The following ARHGEF26 variants were observed in gnomAD, a reference collection of about 807,000 sequenced individuals.
ARHGEF26 encodes the protein Rho guanine nucleotide exchange factor (GEF) 26.
In ARHGEF26, 59 loss-of-function variants were observed where a neutral mutation model predicts 89.4. The observed-to-expected ratio is 0.66, with a 90% CI of 0.54 to 0.82. ARHGEF26 has a LOEUF of 0.82. ARHGEF26 is among the 40% of genes least tolerant of loss of function. The pLI, the probability that ARHGEF26 is intolerant of heterozygous loss-of-function variation, is 0.00. For missense variants in ARHGEF26, 1,234 were observed against 1,085.6 expected, an observed-to-expected ratio of 1.14 and a Z score of -1.92; for synonymous variants, 500 against 428.4, an observed-to-expected ratio of 1.17 and a Z score of -2.06.
At position 154,129,579 on chromosome 3, in the gene ARHGEF26, G is replaced by C. The variant is rs1192980051; in HGVS notation, c.1129G>C (p.Ala377Pro). 1.2e-6 allele frequency: 2 copies of C among 1,611,232 alleles called. No individual in the cohort carries two copies. ...GQGTFDGEEN[A>P]VLYQNYKEKA... Reference sequence around the variant, plus strand: ...TAGGCCTTGTTTTCTTGCAGAAAATGCTGTCCTGTATCAAAACTACAAGGA... The same window carrying C: ...TAGGCCTTGTTTTCTTGCAGAAAATCCTGTCCTGTATCAAAACTACAAGGA... Residue 377 changes from alanine to proline, a missense_variant, in exon 4 of 15, where the codon GCT becomes CCT. Ala to Pro is a conservative substitution (Grantham distance 27, BLOSUM62 -1). Transcript: ENST00000465093.
At chr3:154,222,605 A>G (rs1218039171) in intron 10 of ARHGEF26, among the ~76,000 whole-genome samples, 1 of 152,252 alleles carries the variant, frequency 6.6e-6, no homozygotes, top group African/African-American at 2.4e-5. Flanking sequence ...TATAGTAAAC[A>G]AGCAGCAAAC....
At chr3:154,230,705 A>G (rs1419454561) in intron 11 of ARHGEF26, among the ~76,000 whole-genome samples, 1 of 152,120 alleles carries the variant, frequency 6.6e-6, no homozygotes, top group Non-Finnish European at 1.5e-5. Flanking sequence ...GGAGATTTCT[A>G]CTTCCTGATT....
At chr3:154,152,557 A>G (rs534066730) in intron 5 of ARHGEF26, among the ~76,000 whole-genome samples, 2 of 152,238 alleles carry the variant, frequency 1.3e-5, no homozygotes, top group East Asian at 3.9e-4. Flanking sequence ...TTTCATATTT[A>G]CAGATAGTGA....
At chr3:154,179,881 A>G (rs993630537) in intron 6 of ARHGEF26, among the ~76,000 whole-genome samples, 1 of 152,204 alleles carries the variant, frequency 6.6e-6, no homozygotes, top group African/African-American at 2.4e-5. Flanking sequence ...GTGGTTTAAA[A>G]CAACACAAAT....
intron 6 of ARHGEF26, among the ~76,000 whole-genome samples, chr3:154,163,012 A>G (rs1027558461): frequency 2.0e-5 from 3 of 152,164 alleles, no homozygotes; most frequent in East Asian, 3.9e-4. Context: ...AAACATTTAT[A>G]CCTTGATTTA....
chr3:154,129,501 A>G (rs1718544493), intron 3 of ARHGEF26, 73 bp from the exon 4 acceptor site: 4 of 1,498,344 alleles, frequency 2.7e-6, no homozygotes, highest in Admixed American at 4.2e-5. Context: ...TTGGGTACAT[A>G]TGATGTTTAT....
Position 154,256,800 on chromosome 3 carries a change from C to G in ARHGEF26, c.*1327C>G. 1 of 1,498,420 alleles carries G rather than the reference C, an allele frequency of 6.7e-7. No homozygotes were observed. The highest frequency in any genetic ancestry group is 2.3e-5 in the Admixed American group (1 of 44,028). The allele number at this position is 1,498,420 out of a possible 1,614,324, so 92.8% of individuals were successfully genotyped here. A position where few individuals can be genotyped will look rare whatever the true frequency, so the allele number is the denominator to read the frequency against. ...GAATTCATTCTATTTGCACTAAAAGCCTTAACTTGCTGTATTCAGAGTCCC... is the reference window on the plus strand; with the variant it reads ...GAATTCATTCTATTTGCACTAAAAGGCTTAACTTGCTGTATTCAGAGTCCC... On this transcript the variant is annotated 3_prime_UTR_variant, in exon 15 of 15. Transcript: ENST00000465093.
chr3:154,210,361 A>G (rs1291199502), intron 9 of ARHGEF26, among the ~76,000 whole-genome samples: 1 of 152,080 alleles, frequency 6.6e-6, no homozygotes, highest in Non-Finnish European at 1.5e-5. Context: ...GTTAGCAGGT[A>G]TTGAATACTG....
chr3:154,141,517 G>T (rs553762003), intron 4 of ARHGEF26, among the ~76,000 whole-genome samples: 16 of 152,334 alleles, frequency 1.1e-4, no homozygotes, highest in African/African-American at 3.8e-4. Flanking sequence ...CAGAGGCTGT[G>T]AGTAGAATGG....
intron 9 of ARHGEF26, among the ~76,000 whole-genome samples, chr3:154,205,085 A>G (rs1456766745): frequency 6.6e-6 from 1 of 152,164 alleles, no homozygotes; most frequent in African/African-American, 2.4e-5. Context: ...AGATCTGCCC[A>G]GTGCTGAATG....
intron 6 of ARHGEF26, 130 bp from the exon 7 acceptor site, chr3:154,187,555 A>G (rs943549093): frequency 1.2e-5 from 8 of 661,560 alleles, no homozygotes; most frequent in Non-Finnish European, 1.8e-5. Context: ...GATTTTAAAA[A>G]TATTTTTTAG....
intron 11 of ARHGEF26, among the ~76,000 whole-genome samples, chr3:154,237,078 A>G (rs1290330513): frequency 6.6e-6 from 1 of 152,218 alleles, no homozygotes; most frequent in Non-Finnish European, 1.5e-5. Flanking sequence ...TTTATCATTC[A>G]AACTGGACAT....
chr3:154,221,074 C>G (rs1163527396), intron 10 of ARHGEF26, among the ~76,000 whole-genome samples: 1 of 152,050 alleles, frequency 6.6e-6, no homozygotes, highest in Admixed American at 6.5e-5. Flanking sequence ...CTTCTGAGAG[C>G]CTGGCCTTGC....
chr3:154,256,599 A>C lies in ARHGEF26; in HGVS notation c.*1126A>C. On this transcript the variant is annotated 3_prime_UTR_variant, in exon 15 of 15. Coordinates refer to ENST00000465093, the MANE Select transcript of ARHGEF26 (RefSeq NM_015595.4). Reference sequence around the variant, plus strand: ...AACCTTCCCAAATGAGCTGATAAAAAACTGACGTGAGGCTGCTTTGCCTTC... The same window carrying C: ...AACCTTCCCAAATGAGCTGATAAAACACTGACGTGAGGCTGCTTTGCCTTC... 9.0e-7 allele frequency: 1 copy of C among 1,107,748 alleles called. No individual in the cohort carries two copies. The highest frequency in any genetic ancestry group is 1.1e-6 in the Non-Finnish European group (1 of 913,054). 68.6% of individuals were successfully genotyped at this position (1,107,748 alleles called of 1,614,324 possible).
chr3:154,145,921 C>T (rs1467968033), intron 4 of ARHGEF26, among the ~76,000 whole-genome samples: 1 of 152,142 alleles, frequency 6.6e-6, no homozygotes, highest in Non-Finnish European at 1.5e-5. Context: ...AGTTCTTTTA[C>T]ACAGTTCTCT....
At chr3:154,212,341 C>A (rs1238110325) in intron 9 of ARHGEF26, among the ~76,000 whole-genome samples, 7 of 138,162 alleles carry the variant, frequency 5.1e-5, no homozygotes, top group Non-Finnish European at 6.3e-5. Context: ...GACCCTGTCT[C>A]AAAAAAAAAA....
chr3:154,238,118 T>A (rs12488999), intron 11 of ARHGEF26, among the ~76,000 whole-genome samples: 20,033 of 152,268 alleles, frequency 0.13, 1,689 homozygotes, highest in East Asian at 0.39. Context: ...TGCTAAAAAT[T>A]GACTGCTTTG....
intron 9 of ARHGEF26, among the ~76,000 whole-genome samples, chr3:154,206,266 A>C (rs930301390): frequency 4.6e-5 from 7 of 152,108 alleles, no homozygotes; most frequent in South Asian, 2.1e-4. Flanking sequence ...GATATATTGC[A>C]GCTCCACTGT....
intron 10 of ARHGEF26, among the ~76,000 whole-genome samples, chr3:154,218,792 A>G (rs969471761): frequency 2.3e-4 from 35 of 152,210 alleles, no homozygotes; most frequent in African/African-American, 7.7e-4. Flanking sequence ...CATATATACT[A>G]GAATTGAGGA....
Sources: allele counts gnomAD v4.1 joint callset (sites outside exome capture counted in the v4.1 genomes callset), GRCh38; gene constraint gnomAD v4.1.1; transcripts MANE v1.5; gene names NCBI Gene and HGNC (gene_info 2026-07-23, HGNC 2026-07-21).